Variants in HP1BP3 observed in about 807,000 individuals in gnomAD.
The protein encoded by HP1BP3 is heterochromatin protein 1 binding protein 3.
In HP1BP3, 12 loss-of-function variants were observed where a neutral mutation model predicts 62.5. The ratio of observed to expected loss-of-function variants is 0.19; its 90% CI spans 0.12 to 0.31. The LOEUF (loss-of-function observed/expected upper bound fraction) is 0.31. Among genes scored for constraint, HP1BP3 ranks in the 10% least tolerant of loss-of-function variants. HP1BP3 has a pLI of 1.00. For missense variants in HP1BP3, 502 were observed against 651.8 expected (o/e 0.77, Z 2.50); for synonymous variants, 260 against 237.8 (o/e 1.09, Z -0.86).
intron 9 of HP1BP3, chr1:20,755,521 G>A (rs1240389340): frequency 1.2e-5 from 4 of 337,334 alleles, no homozygotes; most frequent in Non-Finnish European, 2.5e-5. Context: ...GTTGCAGTGA[G>A]CCAAGATCAC....
At chr1:20,746,184 ATATGTG>A (rs1381073195) in intron 11 of HP1BP3, among the ~76,000 whole-genome samples, 7 of 63,520 alleles carry the variant, frequency 1.1e-4, no homozygotes, top group African/African-American at 3.1e-4. Flanking sequence ...ATACATACAT[ATATGTG>A]TGTGTGTGTG....
chr1:20,762,426 G>A (rs954671428), intron 8 of HP1BP3, among the ~76,000 whole-genome samples: 3 of 152,074 alleles, frequency 2.0e-5, no homozygotes, highest in Non-Finnish European at 4.4e-5. Flanking sequence ...AATGGGGGAA[G>A]ATATGGTCTC....
chr1:20,748,513 G>A (rs945643756), intron 10 of HP1BP3, among the ~76,000 whole-genome samples: 2 of 152,358 alleles, frequency 1.3e-5, no homozygotes, highest in Non-Finnish European at 2.9e-5. Flanking sequence ...TTGGGAGGCC[G>A]AGGCCGGCAG....
chr1:20,760,792 T>C (rs1372305489), intron 8 of HP1BP3, among the ~76,000 whole-genome samples: 1 of 152,060 alleles, frequency 6.6e-6, no homozygotes, highest in Non-Finnish European at 1.5e-5. Context: ...GCCGAGATCA[T>C]GCCACTGCAC....
At chr1:20,774,525 C>G (rs949650355) in intron 4 of HP1BP3, 1 of 152,134 alleles carries the variant, frequency 6.6e-6, no homozygotes, top group African/African-American at 2.4e-5. Flanking sequence ...ATTTGGTCAA[C>G]AGACCACATA....
chr1:20,745,220 A>C, intron 12 of HP1BP3, 129 bp from the exon 13 acceptor site: 2 of 1,034,764 alleles, frequency 1.9e-6, no homozygotes, highest in Admixed American at 2.9e-5. Context: ...GGAATGTGAC[A>C]ATTTTTTACT....
At chr1:20,771,724 A>T (rs769008072) in intron 5 of HP1BP3, among the ~76,000 whole-genome samples, 3 of 152,122 alleles carry the variant, frequency 2.0e-5, no homozygotes, top group African/African-American at 7.2e-5. Flanking sequence ...CAAATACTTA[A>T]TTTTTTTCAA....
chr1:20,772,335 A>AT (rs1288682031), intron 5 of HP1BP3, among the ~76,000 whole-genome samples: 1 of 151,360 alleles, frequency 6.6e-6, no homozygotes, highest in East Asian at 1.9e-4. Context: ...TATTGTTTTA[A>AT]TTTTTTATTT....
chr1:20,744,051 C>G lies in HP1BP3; in HGVS notation c.*746G>C, dbSNP rs1421848901. The G allele has an allele frequency of 6.6e-6, 1 of 152,078 alleles. No individual in the cohort carries two copies. Among genetic ancestry groups the G allele is most frequent in the Non-Finnish European group, 1.5e-5 (1 of 68,030 alleles). The allele number at this position is 152,078 out of a possible 1,614,324, so 9.4% of individuals were successfully genotyped here. A position where few individuals can be genotyped will look rare whatever the true frequency, so the allele number is the denominator to read the frequency against. ...ACCACTGCACTCCGGGGCACCTGAG[C>G]AAGACTCCGTCTCAAAACAACGACG... On this transcript the variant is annotated 3_prime_UTR_variant, in exon 13 of 13. Transcript: ENST00000438032.
In HP1BP3 at chr1:20,744,846, G is replaced by A. The variant is rs781684214; in HGVS notation, c.1613C>T (p.Pro538Leu). ...ATSARKEVKL[P>L]GKGKSTMKKS... is the part of the protein sequence containing the mutation. ...CTTCATGGTGGATTTGCCCTTGCCC[G>A]GCAATTTTACTTCCTTTCTTGCACT... The change falls in exon 13 of 13, where the codon CCG (proline) becomes CTG (leucine). Residue 538 changes from proline (P) to leucine (L), a missense_variant. This residue lies in a region of HP1BP3 where 194 missense variants were observed against 207.0 expected (regional missense o/e 0.94). Coordinates refer to ENST00000438032, the MANE Select transcript of HP1BP3 (RefSeq NM_001372052.1). 25 of 1,613,376 alleles carry A rather than the reference G, an allele frequency of 1.5e-5. No individual in the cohort carries two copies. The highest frequency in any genetic ancestry group is 1.1e-4 in the East Asian group (5 of 44,880).
chr1:20,745,624 T>C lies in HP1BP3; in HGVS notation c.1286A>G (p.Asp429Gly). The stretch of plus-strand genomic sequence containing the variant: ...ATCTTCATCCTCATCTCTAGAATCA[T>C]CTGGCTCTTTCTTCGGAAACAGAAC... The part of the protein sequence containing the change: ...PGVLFPKKEP[D>G]DSRDEDEDED... Residue 429 changes from aspartate (D) to glycine (G), a missense_variant, in exon 12 of 13, where the codon GAT becomes GGT. Coordinates refer to ENST00000438032, the MANE Select transcript of HP1BP3 (RefSeq NM_001372052.1). 1 of 1,614,044 alleles carries C rather than the reference T, an allele frequency of 6.2e-7. No individual in the cohort carries two copies. The highest frequency in any genetic ancestry group is 8.5e-7 in the Non-Finnish European group (1 of 1,179,922).
At position 20,747,535 on chromosome 1, in the gene HP1BP3, AG is replaced by A. The variant is rs763345690; in HGVS notation, c.1253+8del. The A allele has an allele frequency of 2.0e-6, 3 of 1,522,232 alleles. No homozygotes were observed. In the African/African-American group the frequency reaches 4.1e-5, roughly 21 times the overall value. 94.3% of individuals were successfully genotyped at this position (1,522,232 alleles called of 1,614,324 possible). On this transcript the variant is annotated splice_region_variant and intron_variant, in intron 11 of 12. Transcript: ENST00000438032. ...ATTTACAGTGATCTATTATAGGCTAAGTACTTACCTGGGATAATAGGGAAAA... is the reference window on the plus strand; with the variant it reads ...ATTTACAGTGATCTATTATAGGCTAATACTTACCTGGGATAATAGGGAAAA...
chr1:20,751,105 C>T (rs2055718663), intron 9 of HP1BP3, among the ~76,000 whole-genome samples: 1 of 152,114 alleles, frequency 6.6e-6, no homozygotes, highest in Admixed American at 6.6e-5. Context: ...GTGTGACCCA[C>T]TGTGGCCGGC....
At chr1:20,748,424 C>G (rs1388232070) in intron 10 of HP1BP3, among the ~76,000 whole-genome samples, 1 of 152,182 alleles carries the variant, frequency 6.6e-6, no homozygotes, top group Non-Finnish European at 1.5e-5. Flanking sequence ...GGCTTGTTAA[C>G]CAAATTCATC....
chr1:20,773,708 C>T (rs933017371), intron 4 of HP1BP3, 98 bp from the exon 5 acceptor site: 7 of 800,446 alleles, frequency 8.7e-6, no homozygotes, highest in Admixed American at 3.9e-5. Context: ...AAAATTAATG[C>T]TTTAATTTAT....
chr1:20,784,172 G>T (rs1166333942), intron 1 of HP1BP3, among the ~76,000 whole-genome samples: 2 of 152,042 alleles, frequency 1.3e-5, no homozygotes, highest in Non-Finnish European at 2.9e-5. Context: ...GTTTTGCCAT[G>T]TTGCCCAGGC....
chr1:20,746,227 T>TGTGTGTGTGTGTGTG (rs1557633244), intron 11 of HP1BP3, among the ~76,000 whole-genome samples: 3 of 145,926 alleles, frequency 2.1e-5, no homozygotes, highest in African/African-American at 7.6e-5. Flanking sequence ...TGTGTGTGTG[T>TGTGTGTGTGTGTGTG]TTCTTGCCTT....
intron 7 of HP1BP3, among the ~76,000 whole-genome samples, chr1:20,767,051 G>C (rs746477101): frequency 6.6e-6 from 1 of 152,080 alleles, no homozygotes; most frequent in Non-Finnish European, 1.5e-5. Context: ...GGGAGCAATG[G>C]CTCACCCTGT....
chr1:20,750,512 G>GT (rs1340785909), intron 9 of HP1BP3, among the ~76,000 whole-genome samples: 3 of 151,170 alleles, frequency 2.0e-5, no homozygotes, highest in Non-Finnish European at 4.4e-5. Flanking sequence ...CGGCGACAGA[G>GT]TAAGATTCTG....
Sources: gnomAD v4.1 joint callset for allele counts (sites outside exome capture counted in the v4.1 genomes callset) on GRCh38, gnomAD v4.1.1 for gene constraint, gnomAD v4.1.1 regional missense constraint, MANE v1.5 for transcripts, NCBI Gene and HGNC (gene_info 2026-07-23, HGNC 2026-07-21) for gene names.